Variants in USP31 observed in about 807,000 individuals in gnomAD.
USP31 encodes ubiquitin specific peptidase 31, also known as ubiquitin carboxyl-terminal hydrolase 31.
Under a neutral mutation model 119.4 loss-of-function variants are expected in USP31, and 44 were observed. That is an observed-to-expected ratio of 0.37 (90% CI 0.29 to 0.47). USP31 has a LOEUF of 0.47. Ranked by LOEUF, USP31 falls within the 20% of genes least tolerant of loss-of-function variation. The pLI is 0.99. For synonymous variants in USP31, 749 were observed against 705.6 expected, an observed-to-expected ratio of 1.06 and a Z score of -0.97; for missense variants, 1,643 against 1,730.2, an observed-to-expected ratio of 0.95 and a Z score of 0.89.
chr16:23,072,278 T>C (rs1340515212), intron 14 of USP31, 81 bp from the exon 15 acceptor site: 1 of 1,539,232 alleles, frequency 6.5e-7, no homozygotes, highest in African/African-American at 1.4e-5. Context: ...CATGAAGGTG[T>C]TACGAGCTGA....
At chr16:23,117,938 G>A (rs1222907862) in intron 1 of USP31, among the ~76,000 whole-genome samples, 13 of 151,984 alleles carry the variant, frequency 8.6e-5, no homozygotes, top group African/African-American at 2.7e-4. Flanking sequence ...ACAGGTGCAC[G>A]CCACCACGTC....
rs1482034498 is a variant in USP31, at chr16:23,063,464, T to C, written c.*4582A>G. On this transcript the variant is annotated 3_prime_UTR_variant, in exon 16 of 16. Transcript: ENST00000219689. The stretch of plus-strand genomic sequence containing the variant: ...CCCTTGAAGATATAAAAAATTAAAA[T>C]CTATAGAAAATGGCAGGTTATTTTT... 1 of 152,606 alleles carries C rather than the reference T, an allele frequency of 6.6e-6. No individual in the cohort carries two copies. The highest frequency in any genetic ancestry group is 6.5e-5 in the Admixed American group (1 of 15,284). 9.5% of individuals were successfully genotyped at this position (152,606 alleles called of 1,614,324 possible).
intron 1 of USP31, among the ~76,000 whole-genome samples, chr16:23,118,829 T>C (rs1902577457): frequency 1.3e-5 from 2 of 151,952 alleles, no homozygotes; most frequent in South Asian, 4.2e-4. Context: ...CCTTAATGGC[T>C]GGGTGCAGTG....
intron 1 of USP31, among the ~76,000 whole-genome samples, chr16:23,140,415 A>G (rs1903320793): frequency 6.6e-6 from 1 of 152,120 alleles, no homozygotes; most frequent in Non-Finnish European, 1.5e-5. Context: ...CAGTGCCAGG[A>G]CAGCCCCCAA....
In USP31 at chr16:23,063,023, G is replaced by A. The variant is rs533272805; in HGVS notation, c.*5023C>T. On this transcript the variant is annotated 3_prime_UTR_variant, in exon 16 of 16. Transcript: ENST00000219689. Reference sequence around the variant, plus strand: ...GCTTTTAAAATACATGGTAATTCCTGGATCCCACCCCTACATGAATTAGAT... The same window carrying A: ...GCTTTTAAAATACATGGTAATTCCTAGATCCCACCCCTACATGAATTAGAT... The A allele has an allele frequency of 5.9e-5, 9 of 152,476 alleles. No homozygotes were observed. Among genetic ancestry groups the A allele is most frequent in the African/African-American group, 2.2e-4 (9 of 41,528 alleles). 9.4% of individuals were successfully genotyped at this position (152,476 alleles called of 1,614,324 possible). A position where few individuals can be genotyped will look rare whatever the true frequency, so the allele number is the denominator to read the frequency against.
At chr16:23,085,563 C>T in intron 10 of USP31, 22 bp downstream of exon 10, 18 of 1,596,636 alleles carry the variant, frequency 1.1e-5, no homozygotes, top group Non-Finnish European at 1.5e-5. Context: ...TTTCTATAAA[C>T]ACTAACTTTA....
intron 1 of USP31, among the ~76,000 whole-genome samples, chr16:23,112,845 A>G (rs188238262): frequency 6.6e-6 from 1 of 152,146 alleles, no homozygotes; most frequent in Non-Finnish European, 1.5e-5. Flanking sequence ...CCTGACCAAC[A>G]TGGAGAAATC....
At chr16:23,098,019 G>A (rs548484093) in intron 6 of USP31, among the ~76,000 whole-genome samples, 2 of 152,318 alleles carry the variant, frequency 1.3e-5, no homozygotes, top group Admixed American at 6.5e-5. Context: ...ATTAGGAAAA[G>A]AGGAAGTCAA....
At chr16:23,146,310 G>T (rs1903501668) in intron 1 of USP31, among the ~76,000 whole-genome samples, 1 of 152,048 alleles carries the variant, frequency 6.6e-6, no homozygotes, top group African/African-American at 2.4e-5. Context: ...TGAGATCTCA[G>T]CTGGGCACGG....
intron 1 of USP31, among the ~76,000 whole-genome samples, chr16:23,129,476 A>G (rs527607732): frequency 2.2e-4 from 33 of 152,316 alleles, no homozygotes; most frequent in African/African-American, 7.7e-4. Context: ...TTTTAGAGAT[A>G]TATACTTAAA....
rs146213626 is a variant in USP31 at position 23,137,491 on chromosome 16, G to T, written c.633+11147C>A. Among the ~76,000 whole-genome samples the T allele has an allele frequency of 6.0e-4, 91 of 152,104 alleles. No individual in the cohort carries two copies. In the East Asian group the frequency reaches 0.013, roughly 23 times the overall value. On this transcript the variant is annotated intron_variant, in intron 1 of 15. Transcript: ENST00000219689. ...CTCAAACAAGAACATTTGTAATACTGTTTAATGTTTTATGATTTATATGGT... is the reference window on the plus strand; with the variant it reads ...CTCAAACAAGAACATTTGTAATACTTTTTAATGTTTTATGATTTATATGGT...
At chr16:23,125,188 C>T (rs756317604) in intron 1 of USP31, among the ~76,000 whole-genome samples, 5 of 152,148 alleles carry the variant, frequency 3.3e-5, no homozygotes, top group African/African-American at 4.8e-5. Flanking sequence ...TTAAACACCA[C>T]GATCTGTGAG....
chr16:23,135,510 A>G (rs72774305), intron 1 of USP31, among the ~76,000 whole-genome samples: 3,278 of 152,322 alleles, frequency 0.022, 59 homozygotes, highest in Middle Eastern at 0.048. Context: ...CAAAATCAAC[A>G]TGCAAAAATC....
Position 23,077,833 on chromosome 16 carries a change from T to TG in USP31, c.2176+2112dup, listed in dbSNP as rs57559260. ...AGGCTCAAGCAGGCCCTTAGCCCAA[T>TG]GATTCCATTTCCAAGACTCAATCTC... On this transcript the variant is annotated intron_variant, in intron 13 of 15. Transcript: ENST00000219689. 3.9e-3 allele frequency among the ~76,000 whole-genome samples: 601 copies of TG among 152,208 alleles called. 6 individuals are homozygous for TG. Among genetic ancestry groups the TG allele is most frequent in the African/African-American group, 0.013 (547 of 41,520 alleles).
At chr16:23,070,139 G>C (rs1053367149) in intron 15 of USP31, among the ~76,000 whole-genome samples, 1 of 152,198 alleles carries the variant, frequency 6.6e-6, no homozygotes, top group African/African-American at 2.4e-5. Context: ...GTGCCCAACA[G>C]AGCACCTGGC....
chr16:23,146,042 C>A (rs1242856060), intron 1 of USP31, among the ~76,000 whole-genome samples: 1 of 152,116 alleles, frequency 6.6e-6, no homozygotes, highest in Non-Finnish European at 1.5e-5. Flanking sequence ...CTGTTCACAG[C>A]TTAATGGATA....
At chr16:23,105,145 C>A (rs1429181216) in intron 5 of USP31, among the ~76,000 whole-genome samples, 1 of 152,168 alleles carries the variant, frequency 6.6e-6, no homozygotes, top group Non-Finnish European at 1.5e-5. Flanking sequence ...ACATACACAT[C>A]CACAGGAATG....
chr16:23,070,752 C>T lies in USP31; in HGVS notation c.2489-1136G>A, dbSNP rs1052348280. On this transcript the variant is annotated intron_variant, in intron 15 of 15. Coordinates refer to ENST00000219689, the MANE Select transcript of USP31 (RefSeq NM_020718.4). ...TACTCATAATCAGAACCACATACTC[C>T]TATTTGGTGTGGCTCAAAACGTCCT... is the stretch of plus-strand genomic sequence containing the variant. 1.3e-4 allele frequency among the ~76,000 whole-genome samples: 20 copies of T among 152,028 alleles called. 1 individual carries two copies. Among genetic ancestry groups the T allele is most frequent in the Admixed American group, 1.3e-3 (20 of 15,268 alleles).
At chr16:23,102,067 A>C (rs1048066017) in intron 6 of USP31, among the ~76,000 whole-genome samples, 5 of 151,852 alleles carry the variant, frequency 3.3e-5, no homozygotes, top group African/African-American at 1.2e-4. Flanking sequence ...GGTCACAGTC[A>C]GTCCTAAATC....
Sources: gnomAD v4.1 joint callset for allele counts (sites outside exome capture counted in the v4.1 genomes callset) on GRCh38, gnomAD v4.1.1 for gene constraint, MANE v1.5 for transcripts, NCBI Gene and HGNC (gene_info 2026-07-23, HGNC 2026-07-21) for gene names.